EIF2B3: variants seen among roughly 807,000 people sequenced by gnomAD.
The protein encoded by EIF2B3 is translation initiation factor eIF2B subunit gamma.
Under a neutral mutation model 54.1 loss-of-function variants are expected in EIF2B3, and 20 were observed. The observed-to-expected ratio is 0.37, with a 90% CI of 0.26 to 0.54. The LOEUF (loss-of-function observed/expected upper bound fraction) is 0.54, where lower values mean the gene tolerates loss of function less well. Among genes scored for constraint, EIF2B3 ranks in the 20% least tolerant of loss-of-function variants. The pLI is 0.86. For synonymous variants in EIF2B3, 153 were observed against 188.1 expected (o/e 0.81, Z 1.52); for missense variants, 448 against 547.8 (o/e 0.82, Z 1.82).
intron 6 of EIF2B3, among the ~76,000 whole-genome samples, chr1:44,889,207 G>A (rs1053719733): frequency 6.6e-6 from 1 of 152,218 alleles, no homozygotes; most frequent in African/African-American, 2.4e-5. Context: ...AGTGTGGCTA[G>A]AGTCGGGTAA....
intron 3 of EIF2B3, among the ~76,000 whole-genome samples, chr1:44,956,640 T>A (rs1210412734): frequency 6.6e-6 from 1 of 152,140 alleles, no homozygotes; most frequent in Non-Finnish European, 1.5e-5. Flanking sequence ...CATATATGTA[T>A]ATATGTGTGT....
intron 2 of EIF2B3, among the ~76,000 whole-genome samples, chr1:44,979,638 GAC>G (rs1644492487): frequency 6.6e-6 from 1 of 151,046 alleles, no homozygotes; most frequent in African/African-American, 2.4e-5. Context: ...AGCCTTGGAC[GAC>G]AGAGCAAGAC....
At chr1:44,943,484 ATCATGG>A (rs540077190) in intron 3 of EIF2B3, among the ~76,000 whole-genome samples, 59 of 151,794 alleles carry the variant, frequency 3.9e-4, no homozygotes, top group Middle Eastern at 6.8e-3. Flanking sequence ...CAGTGGCATG[ATCATGG>A]CTTACTGCAG....
At chr1:44,880,372 A>C (rs1655351180) in intron 7 of EIF2B3, among the ~76,000 whole-genome samples, 1 of 152,246 alleles carries the variant, frequency 6.6e-6, no homozygotes, top group Non-Finnish European at 1.5e-5. Context: ...AAAATGCTTA[A>C]TACGAGGTCC....
At chr1:44,977,065 G>A (rs1644460324) in intron 3 of EIF2B3, among the ~76,000 whole-genome samples, 1 of 152,154 alleles carries the variant, frequency 6.6e-6, no homozygotes. Flanking sequence ...TTGTTTTATA[G>A]TACAAAAGTC....
In EIF2B3 at chr1:44,978,388, T is replaced by G. The variant is rs1354865390; in HGVS notation, c.221A>C (p.Asp74Ala). 3.1e-6 allele frequency: 5 copies of G among 1,614,064 alleles called. No homozygotes were observed. In the East Asian group the frequency reaches 1.1e-4, roughly 36 times the overall value. Residue 74 changes from aspartate to alanine, a missense_variant, in exon 3 of 12, where the codon GAT becomes GCT. Physicochemically the swap from Asp to Ala is moderately radical, Grantham distance 126. This residue lies in a region of EIF2B3 where 95 missense variants were observed against 115.7 expected (regional missense o/e 0.82). Transcript: ENST00000360403. ...AGCGTCATCAGGAATACACACAATATCTGGCTTCATTTTCATCTTGAATTC... is the reference window on the plus strand; with the variant it reads ...AGCGTCATCAGGAATACACACAATAGCTGGCTTCATTTTCATCTTGAATTC... ...CAEFKMKMKP[D>A]IVCIPDDADM...
intron 3 of EIF2B3, among the ~76,000 whole-genome samples, chr1:44,961,596 CTTGT>C (rs1457886704): frequency 3.3e-5 from 5 of 152,038 alleles, no homozygotes; most frequent in Admixed American, 2.0e-4. Context: ...GGAAGATCGC[CTTGT>C]TTATTTCTCT....
At chr1:44,883,246 A>G (rs1655471648) in intron 6 of EIF2B3, among the ~76,000 whole-genome samples, 1 of 151,808 alleles carries the variant, frequency 6.6e-6, no homozygotes, top group South Asian at 2.1e-4. Context: ...CCAGAAATTT[A>G]TTACAGTTTA....
chr1:44,855,541 G>A (rs928611516), intron 11 of EIF2B3, among the ~76,000 whole-genome samples: 6 of 151,866 alleles, frequency 4.0e-5, no homozygotes, highest in African/African-American at 1.5e-4. Flanking sequence ...ATAGTTATGA[G>A]ACAATCGACC....
intron 6 of EIF2B3, among the ~76,000 whole-genome samples, chr1:44,895,408 T>C (rs986410638): frequency 6.6e-6 from 1 of 152,118 alleles, no homozygotes; most frequent in African/African-American, 2.4e-5. Flanking sequence ...ACTGCCTGCA[T>C]ATACAGACAC....
At chr1:44,863,881 T>TAA (rs1344708217) in intron 10 of EIF2B3, among the ~76,000 whole-genome samples, 1 of 152,206 alleles carries the variant, frequency 6.6e-6, no homozygotes, top group African/African-American at 2.4e-5. Context: ...ATGATATATA[T>TAA]AATACTTGAA....
At chr1:44,981,262 A>G (rs1644509969) in intron 1 of EIF2B3, 85 bp from the exon 2 acceptor site, 1 of 1,409,800 alleles carries the variant, frequency 7.1e-7, no homozygotes, top group Non-Finnish European at 1.0e-6. Context: ...ATTTTTATTT[A>G]GGTTACTGAT....
intron 8 of EIF2B3, among the ~76,000 whole-genome samples, chr1:44,879,550 G>A (rs139228944): frequency 1.1e-3 from 166 of 152,176 alleles, no homozygotes; most frequent in Non-Finnish European, 1.8e-3. Flanking sequence ...GGAGGAACCT[G>A]CTGACCCAAA....
At chr1:44,898,437 C>G (rs971712636) in intron 5 of EIF2B3, among the ~76,000 whole-genome samples, 1 of 152,128 alleles carries the variant, frequency 6.6e-6, no homozygotes, top group Non-Finnish European at 1.5e-5. Flanking sequence ...TTGTGCCTGA[C>G]ACAGAGTAAA....
At chr1:44,976,152 C>T (rs979001756) in intron 3 of EIF2B3, among the ~76,000 whole-genome samples, 1 of 152,132 alleles carries the variant, frequency 6.6e-6, no homozygotes, top group Non-Finnish European at 1.5e-5. Flanking sequence ...CTTCAAGAGA[C>T]ACCATTAAAT....
chr1:44,936,814 T>G (rs576637498), intron 4 of EIF2B3, among the ~76,000 whole-genome samples: 1 of 152,214 alleles, frequency 6.6e-6, no homozygotes, highest in Non-Finnish European at 1.5e-5. Context: ...CAAATTACAA[T>G]AGTAATTACA....
intron 6 of EIF2B3, among the ~76,000 whole-genome samples, chr1:44,883,931 T>C (rs1262841447): frequency 6.6e-6 from 1 of 152,160 alleles, no homozygotes; most frequent in Non-Finnish European, 1.5e-5. Flanking sequence ...CTTGACTACC[T>C]GGGCTCAAGT....
intron 5 of EIF2B3, among the ~76,000 whole-genome samples, chr1:44,912,696 G>C (rs894280336): frequency 6.6e-6 from 1 of 152,096 alleles, no homozygotes; most frequent in Non-Finnish European, 1.5e-5. Context: ...CAGCGCCTAG[G>C]ATTAGATACC....
intron 5 of EIF2B3, among the ~76,000 whole-genome samples, chr1:44,914,184 G>C (rs1197936591): frequency 1.4e-5 from 2 of 143,418 alleles, no homozygotes; most frequent in Non-Finnish European, 3.0e-5. Context: ...TTTTGAGGCA[G>C]AGTTCCACTC....
Sources: gnomAD v4.1 joint callset for allele counts (sites outside exome capture counted in the v4.1 genomes callset) on GRCh38, gnomAD v4.1.1 for gene constraint, gnomAD v4.1.1 regional missense constraint, MANE v1.5 for transcripts, NCBI Gene and HGNC (gene_info 2026-07-23, HGNC 2026-07-21) for gene names.